The following DUOX1 variants were observed in gnomAD, a reference collection of about 807,000 sequenced individuals.
The protein encoded by DUOX1 is NADPH thyroid oxidase 1.
Under a neutral mutation model 181.8 loss-of-function variants are expected in DUOX1, and 134 were observed. That is an observed-to-expected ratio of 0.74 (90% confidence interval 0.64 to 0.85). The LOEUF is 0.85. DUOX1 is among the 40% of genes least tolerant of loss of function. The pLI is 0.00. For missense variants in DUOX1, 1,814 were observed against 2,064.4 expected (o/e 0.88, Z 2.35); for synonymous variants, 798 against 832.5 (o/e 0.96, Z 0.71).
intron 23 of DUOX1, 105 bp from the exon 24 acceptor site, chr15:45,151,769 C>T: frequency 8.4e-7 from 1 of 1,183,998 alleles, no homozygotes; most frequent in East Asian, 2.4e-5. Context: ...TTCTCGGAAG[C>T]AGTGGGCTTC....
intron 9 of DUOX1, 123 bp from the exon 10 acceptor site, chr15:45,137,801 C>A (rs189732077): frequency 4.1e-6 from 3 of 731,416 alleles, no homozygotes; most frequent in East Asian, 2.8e-5. Context: ...AGGTCCGAAC[C>A]ACACACCACC....
At chr15:45,158,340 G>A (rs1897013176) in intron 28 of DUOX1, among the ~76,000 whole-genome samples, 1 of 152,156 alleles carries the variant, frequency 6.6e-6, no homozygotes, top group Non-Finnish European at 1.5e-5. Context: ...AGTCTTGTAG[G>A]GAAAGGTTCA....
At chr15:45,164,099 G>T (rs936506718) in intron 33 of DUOX1, among the ~76,000 whole-genome samples, 181 bp downstream of exon 33, 3 of 152,192 alleles carry the variant, frequency 2.0e-5, no homozygotes, top group African/African-American at 7.2e-5. Context: ...TAAAGGAGGA[G>T]GCAGGCAATA....
intron 18 of DUOX1, among the ~76,000 whole-genome samples, chr15:45,145,891 G>C (rs989941199): frequency 1.3e-5 from 2 of 151,252 alleles, no homozygotes; most frequent in Admixed American, 6.6e-5. Context: ...CTCCAGCCTG[G>C]GCAACAGAGT....
intron 33 of DUOX1, 92 bp downstream of exon 33, chr15:45,164,010 C>T: frequency 2.6e-6 from 4 of 1,535,328 alleles, no homozygotes; most frequent in Non-Finnish European, 3.5e-6. Context: ...AAGAAATCGA[C>T]TGCTGATGAG....
chr15:45,162,489 G>GAA, intron 31 of DUOX1, 112 bp downstream of exon 31: 1 of 1,439,166 alleles, frequency 6.9e-7, no homozygotes, highest in Non-Finnish European at 9.3e-7. Flanking sequence ...ACTGGGCAGG[G>GAA]GCAAGTTGGT....
At chr15:45,162,611 C>T (rs537663325) in intron 31 of DUOX1, among the ~76,000 whole-genome samples, 1 of 152,366 alleles carries the variant, frequency 6.6e-6, no homozygotes, top group South Asian at 2.1e-4. Context: ...TACAAAGACT[C>T]TTTCCCTCAG....
Position 45,152,452 on chromosome 15 carries a change from C to G in DUOX1, c.3360C>G (p.Tyr1120Ter), listed in dbSNP as rs750310123. The G allele has an allele frequency of 6.2e-7, 1 of 1,614,098 alleles. No individual in the cohort carries two copies. The stretch of plus-strand genomic sequence containing the variant: ...TGCGAGAAACCTTCCTCAACCGCTA[C>G]GTGCCCTTCGACGCCGCCGTGGACT... ...TFLRETFLNR[Y>*]VPFDAAVDFH... is the part of the protein sequence containing the mutation. The change falls in exon 25 of 34, where the codon TAC becomes TAG. Residue 1120 changes from tyrosine (Y) to a stop codon, truncating the protein, a stop_gained. Transcript: ENST00000389037. LOFTEE classifies it high-confidence loss of function.
rs140047626 is a variant in DUOX1 at position 45,137,968 on chromosome 15, G to C, written c.1067G>C (p.Ser356Thr). The C allele has an allele frequency of 2.6e-5, 42 of 1,610,866 alleles. No homozygotes were observed. In the African/African-American group the frequency reaches 5.2e-4, roughly 20 times the overall value. ...HFQGVINRNS[S>T]VSRALRVCNS... Reference sequence around the variant, plus strand: ...CAGGGGGTCATCAATCGGAACTCAAGTGTCTCCAGAGCTCTCCGGGTCTGC... The same window carrying C: ...CAGGGGGTCATCAATCGGAACTCAACTGTCTCCAGAGCTCTCCGGGTCTGC... The change falls in exon 10 of 34, where the codon AGT (serine) becomes ACT (threonine). Residue 356 changes from serine to threonine, a missense_variant. Coordinates refer to ENST00000389037, the MANE Select transcript of DUOX1 (RefSeq NM_175940.3).
chr15:45,150,545 T>C lies in DUOX1; in HGVS notation c.2819-87T>C, dbSNP rs1045374510. On this transcript the variant is annotated intron_variant, in intron 21 of 33. Transcript: ENST00000389037. The stretch of plus-strand genomic sequence containing the variant: ...TGGGACTGTCTACTGTGCCTGAGCA[T>C]GGGATGGTAGGAGTGCTGTGCGTTT... The C allele has an allele frequency of 1.1e-5, 14 of 1,268,480 alleles. No homozygotes were observed. The African/African-American group carries it at 1.5e-4, about 13-fold the overall frequency. The allele number at this position is 1,268,480 out of a possible 1,614,324, so 78.6% of individuals were successfully genotyped here.
intron 16 of DUOX1, 21 bp downstream of exon 16, chr15:45,143,324 G>A (rs749582258): frequency 1.2e-6 from 2 of 1,600,846 alleles, no homozygotes; most frequent in African/African-American, 2.7e-5. Flanking sequence ...GGCTGGCCAG[G>A]GTGGTGGTAG....
At chr15:45,154,065 TG>T in intron 27 of DUOX1, 65 bp downstream of exon 27, 1 of 1,506,530 alleles carries the variant, frequency 6.6e-7, no homozygotes, top group Non-Finnish European at 9.2e-7. Context: ...CTGGGTTCTC[TG>T]CACCCCAGAG....
intron 2 of DUOX1, 75 bp downstream of exon 2, chr15:45,132,099 G>C: frequency 1.5e-6 from 2 of 1,293,614 alleles, no homozygotes; most frequent in Non-Finnish European, 2.1e-6. Context: ...CCAAGGACAG[G>C]ATCCATTTGA....
At chr15:45,156,381 A>G (rs1475456475) in intron 28 of DUOX1, among the ~76,000 whole-genome samples, 4 of 152,204 alleles carry the variant, frequency 2.6e-5, no homozygotes, top group Non-Finnish European at 5.9e-5. Context: ...CCACCTGTAC[A>G]GTATATAAGC....
At chr15:45,157,147 T>C (rs1010269195) in intron 28 of DUOX1, among the ~76,000 whole-genome samples, 1 of 152,186 alleles carries the variant, frequency 6.6e-6, no homozygotes, top group African/African-American at 2.4e-5. Flanking sequence ...GATAGGAGGG[T>C]CTGTTTCATC....
In DUOX1 at chr15:45,135,203, C is replaced by A. The variant is rs753692044; in HGVS notation, c.407C>A (p.Pro136His). The A allele has an allele frequency of 8.1e-6, 13 of 1,613,766 alleles. No homozygotes were observed. The highest frequency in any genetic ancestry group is 9.3e-6 in the Non-Finnish European group (11 of 1,180,004). The change falls in exon 5 of 34, where the codon CCC (proline) becomes CAC (histidine). Residue 136 changes from proline to histidine, a missense_variant. Physicochemically the swap from Pro to His is moderately conservative, Grantham distance 77. Around this residue, in one of 5 missense-constraint regions of DUOX1, gnomAD observed 320 missense variants for 313.1 expected, o/e 1.02. Transcript: ENST00000389037. ...CCGCCCGGAGACCCCATGTTCGACC[C>A]CGACCAGCGCGGGGACGTGGTGCTG... ...RIPPGDPMFD[P>H]DQRGDVVLPF...
chr15:45,163,679 A>G lies in DUOX1; in HGVS notation c.4396A>G (p.Thr1466Ala). 2 of 1,614,104 alleles carry G rather than the reference A, an allele frequency of 1.2e-6. No individual in the cohort carries two copies. Among genetic ancestry groups the G allele is most frequent in the South Asian group, 1.1e-5 (1 of 91,078 alleles). The change falls in exon 32 of 34, where the codon ACT becomes GCT. Residue 1466 changes from threonine to alanine, a missense_variant. Physicochemically the swap from Thr to Ala is moderately conservative, Grantham distance 58. Coordinates refer to ENST00000389037, the MANE Select transcript of DUOX1 (RefSeq NM_175940.3). ...GGCTGAGAAGTTCGACCTCAGGACC[A>G]CTATGCTGGTATGTCAGGGCCCACC... ...QLAEKFDLRT[T>A]MLYICERHFQ...
chr15:45,141,064 G>C lies in DUOX1; in HGVS notation c.1559G>C (p.Arg520Thr). The C allele has an allele frequency of 6.2e-7, 1 of 1,614,252 alleles. No individual in the cohort carries two copies. Among genetic ancestry groups the C allele is most frequent in the Non-Finnish European group, 8.5e-7 (1 of 1,180,042 alleles). Residue 520 changes from arginine to threonine, a missense_variant, in exon 13 of 34, where the codon AGG becomes ACG. Arg to Thr is a moderately conservative substitution (Grantham distance 71, BLOSUM62 -1). This residue lies in a region of DUOX1 where 1,064 missense variants were observed against 1,152.9 expected (regional missense o/e 0.92). Coordinates refer to ENST00000389037, the MANE Select transcript of DUOX1 (RefSeq NM_175940.3). The stretch of plus-strand genomic sequence containing the variant: ...GACCGCTACTGGTTTGAGAACACCA[G>C]GAATGGGTAAGGCGTGCTGGGCCTC... Reference protein sequence around the residue: ...DGDRYWFENTRNGLFSKKEIE... With the variant: ...DGDRYWFENTTNGLFSKKEIE...
At position 45,140,969 on chromosome 15, in the gene DUOX1, G is replaced by A. The variant is rs760895931; in HGVS notation, c.1464G>A (p.Glu488=). The A allele has an allele frequency of 8.7e-6, 14 of 1,614,086 alleles. No homozygotes were observed. The highest frequency in any genetic ancestry group is 1.7e-5 in the Admixed American group (1 of 60,008). The change falls in exon 13 of 34, where the codon GAG becomes GAA. Residue 488 remains glutamate (E), a synonymous_variant. Coordinates refer to ENST00000389037, the MANE Select transcript of DUOX1 (RefSeq NM_175940.3). Reference sequence around the variant, plus strand: ...AGCTGCTCCCTGGGGGACTCCTGGAGAGCCACCGGGACCCTGGACCTCTGT... The same window carrying A: ...AGCTGCTCCCTGGGGGACTCCTGGAAAGCCACCGGGACCCTGGACCTCTGT... The part of the protein sequence containing the change: ...WLELLPGGLL[E]SHRDPGPLFS...
Sources: allele counts gnomAD v4.1 joint callset (sites outside exome capture counted in the v4.1 genomes callset), GRCh38; gene constraint gnomAD v4.1.1; regional missense constraint gnomAD v4.1.1; transcripts MANE v1.5; gene names NCBI Gene and HGNC (gene_info 2026-07-23, HGNC 2026-07-21).